Variants in CREB5 observed in about 807,000 individuals in gnomAD.
CREB5 encodes cAMP responsive element binding protein 5.
Under a neutral mutation model 57.1 loss-of-function variants are expected in CREB5, and 19 were observed. The observed-to-expected ratio is 0.33, with a 90% confidence interval of 0.23 to 0.49. CREB5 has a LOEUF of 0.49. CREB5 is among the 20% of genes least tolerant of loss of function. The pLI, the probability that CREB5 is intolerant of heterozygous loss-of-function variation, is 0.99. For synonymous variants in CREB5, 238 were observed against 238.3 expected, an observed-to-expected ratio of 1.00 and a Z score of 0.01; for missense variants, 579 against 671.6, an observed-to-expected ratio of 0.86 and a Z score of 1.52.
At chr7:28,417,431 C>T (rs747131977) in intron 1 of CREB5, among the ~76,000 whole-genome samples, 1 of 151,610 alleles carries the variant, frequency 6.6e-6, no homozygotes, top group African/African-American at 2.4e-5. Flanking sequence ...TTGGACTAGC[C>T]ACATTTCAAG....
chr7:28,472,165 A>AAT (rs1554328949), intron 1 of CREB5, among the ~76,000 whole-genome samples: 1 of 148,010 alleles, frequency 6.8e-6, no homozygotes, highest in South Asian at 2.1e-4. Context: ...AAAAAAAAAA[A>AAT]ACATAGTAAT....
intron 5 of CREB5, among the ~76,000 whole-genome samples, chr7:28,641,036 A>G (rs1331454248): frequency 1.3e-5 from 2 of 152,144 alleles, no homozygotes; most frequent in African/African-American, 4.8e-5. Flanking sequence ...GTCATCCTGA[A>G]CGACATCACC....
intron 9 of CREB5, among the ~76,000 whole-genome samples, chr7:28,817,548 C>T (rs1039918470): frequency 2.0e-5 from 3 of 152,196 alleles, no homozygotes; most frequent in African/African-American, 7.2e-5. Flanking sequence ...GCCCAATGTG[C>T]GCCTCATATT....
At chr7:28,319,467 A>T (rs1484065799) in intron 1 of CREB5, among the ~76,000 whole-genome samples, 1 of 152,172 alleles carries the variant, frequency 6.6e-6, no homozygotes, top group Non-Finnish European at 1.5e-5. Context: ...TTCCTAGTGG[A>T]AGTATTTTCT....
chr7:28,741,320 C>T (rs1026928873), intron 7 of CREB5, among the ~76,000 whole-genome samples: 1 of 152,292 alleles, frequency 6.6e-6, no homozygotes, highest in South Asian at 2.1e-4. Flanking sequence ...TCTGAAAGAG[C>T]CTCCCTCCAT....
At chr7:28,749,956 A>G (rs1554295337) in intron 7 of CREB5, among the ~76,000 whole-genome samples, 1 of 152,208 alleles carries the variant, frequency 6.6e-6, no homozygotes, top group Non-Finnish European at 1.5e-5. Flanking sequence ...GCATTATATA[A>G]AAAGCTCACT....
At chr7:28,522,857 A>G (rs760073723) in intron 4 of CREB5, among the ~76,000 whole-genome samples, 2 of 152,170 alleles carry the variant, frequency 1.3e-5, no homozygotes, top group African/African-American at 4.8e-5. Context: ...GCACTTTTCA[A>G]TGCCACCAAA....
rs889499986 is a variant in CREB5, at chr7:28,595,804, A to G, written c.464+25267A>G. ...TTTCAGACCCATTTTGCACACCATC[A>G]AAGCAAAGTGGATAGGAACTGAGGC... On this transcript the variant is annotated intron_variant, in intron 5 of 10. Transcript: ENST00000357727. 3.3e-5 allele frequency among the ~76,000 whole-genome samples: 5 copies of G among 152,160 alleles called. No individual in the cohort carries two copies. The East Asian group carries it at 5.8e-4, about 18-fold the overall frequency.
At chr7:28,300,421 C>T (rs1439134414) in intron 1 of CREB5, among the ~76,000 whole-genome samples, 1 of 152,198 alleles carries the variant, frequency 6.6e-6, no homozygotes, top group African/African-American at 2.4e-5. Context: ...GTATGTCCAT[C>T]TCCAGGTGGC....
intron 1 of CREB5, among the ~76,000 whole-genome samples, chr7:28,324,584 A>T (rs1048194583): frequency 1.3e-5 from 2 of 152,104 alleles, no homozygotes; most frequent in African/African-American, 2.4e-5. Flanking sequence ...TAAATGCTGG[A>T]GGCTTTTGGA....
At chr7:28,728,574 A>G (rs1803454776) in intron 7 of CREB5, among the ~76,000 whole-genome samples, 1 of 152,222 alleles carries the variant, frequency 6.6e-6, no homozygotes, top group South Asian at 2.1e-4. Flanking sequence ...TAGCCTCACT[A>G]ACTGGTACAG....
chr7:28,591,216 A>G (rs114639876), intron 5 of CREB5, among the ~76,000 whole-genome samples: 7 of 152,178 alleles, frequency 4.6e-5, no homozygotes, highest in Non-Finnish European at 4.4e-5. Context: ...TTTCCTCTAC[A>G]CAGCTTCTGG....
intron 5 of CREB5, among the ~76,000 whole-genome samples, chr7:28,660,570 A>G (rs1243476279): frequency 1.3e-5 from 2 of 152,110 alleles, no homozygotes; most frequent in East Asian, 1.9e-4. Flanking sequence ...TGCACCATCC[A>G]GTACTGTCCA....
intron 5 of CREB5, among the ~76,000 whole-genome samples, chr7:28,647,280 A>T (rs879519488): frequency 6.6e-6 from 1 of 151,612 alleles, no homozygotes; most frequent in African/African-American, 2.4e-5. Context: ...CCCTTTCTTG[A>T]CCTCACTTGT....
intron 4 of CREB5, among the ~76,000 whole-genome samples, chr7:28,535,456 G>A (rs1205985287): frequency 8.5e-6 from 1 of 117,024 alleles, no homozygotes; most frequent in Non-Finnish European, 2.0e-5. Flanking sequence ...GAAAAAATGG[G>A]AGTAGAAGTC....
intron 1 of CREB5, among the ~76,000 whole-genome samples, chr7:28,372,105 C>T (rs1189841883): frequency 6.6e-6 from 1 of 152,160 alleles, no homozygotes; most frequent in African/African-American, 2.4e-5. Flanking sequence ...TAGCTCTGTG[C>T]CAGGCGCTGG....
chr7:28,305,527 C>T (rs1785167544), intron 1 of CREB5, among the ~76,000 whole-genome samples: 1 of 152,120 alleles, frequency 6.6e-6, no homozygotes, highest in Non-Finnish European at 1.5e-5. Context: ...CCCAAAGCTA[C>T]TGCATTCCCT....
intron 1 of CREB5, among the ~76,000 whole-genome samples, chr7:28,314,451 A>T (rs1219191201): frequency 2.0e-5 from 3 of 152,252 alleles, no homozygotes; most frequent in Admixed American, 1.3e-4. Flanking sequence ...CATGAATCTT[A>T]GTCCTATGGA....
chr7:28,646,691 T>A (rs574741663), intron 5 of CREB5, among the ~76,000 whole-genome samples: 1 of 152,206 alleles, frequency 6.6e-6, no homozygotes, highest in East Asian at 1.9e-4. Context: ...ATTTTTGACA[T>A]GGAAACCCAA....
Sources: gnomAD v4.1 joint callset for allele counts (sites outside exome capture counted in the v4.1 genomes callset) on GRCh38, gnomAD v4.1.1 for gene constraint, MANE v1.5 for transcripts, NCBI Gene and HGNC (gene_info 2026-07-23, HGNC 2026-07-21) for gene names.